MIGA1: variants seen among roughly 807,000 people sequenced by gnomAD.
MIGA1 encodes the protein mitoguardin 1, also known as family with sequence similarity 73, member A.
MIGA1 carries 58 observed loss-of-function variants against 82.0 expected under a neutral mutation model. The ratio of observed to expected loss-of-function variants is 0.71; its 90% CI spans 0.57 to 0.88. The LOEUF (loss-of-function observed/expected upper bound fraction) is 0.88. Among genes scored for constraint, MIGA1 ranks in the 40% least tolerant of loss-of-function variants. The pLI is 0.00. For synonymous variants in MIGA1, 249 were observed against 253.6 expected, an observed-to-expected ratio of 0.98 and a Z score of 0.17; for missense variants, 751 against 749.1, an observed-to-expected ratio of 1.00 and a Z score of -0.03.
chr1:77,827,649 C>T (rs1422427665), intron 7 of MIGA1, among the ~76,000 whole-genome samples: 1 of 152,150 alleles, frequency 6.6e-6, no homozygotes, highest in Non-Finnish European at 1.5e-5. Context: ...GATGGGTTTG[C>T]AGACCCTGAC....
At chr1:77,787,806 T>G (rs1682234862) in intron 2 of MIGA1, among the ~76,000 whole-genome samples, 1 of 151,894 alleles carries the variant, frequency 6.6e-6, no homozygotes, top group Middle Eastern at 3.2e-3. Flanking sequence ...TTCTGTGAAT[T>G]ACTTTTCTTT....
At position 77,861,340 on chromosome 1, in the gene MIGA1, G is replaced by T. The variant is rs1445341740; in HGVS notation, c.1374+18G>T. The T allele has an allele frequency of 6.7e-7, 1 of 1,482,424 alleles. No homozygotes were observed. The highest frequency in any genetic ancestry group is 9.4e-7 in the Non-Finnish European group (1 of 1,066,462). The allele number at this position is 1,482,424 out of a possible 1,614,324, so 91.8% of individuals were successfully genotyped here. ...CTAGAGGGGTAAATTCAAATTTTTT[G>T]TGATATTTATTTTTCTTAGTTATTT... is the stretch of plus-strand genomic sequence containing the variant. On this transcript the variant is annotated intron_variant, in intron 12 of 15. Transcript: ENST00000370791.
chr1:77,827,118 T>TC (rs1220167119), intron 7 of MIGA1, among the ~76,000 whole-genome samples: 1 of 150,716 alleles, frequency 6.6e-6, no homozygotes, highest in African/African-American at 2.4e-5. Flanking sequence ...AAAAGAGCCT[T>TC]TTTTTTTTGA....
intron 7 of MIGA1, among the ~76,000 whole-genome samples, chr1:77,822,156 A>G (rs1055754437): frequency 2.6e-5 from 4 of 152,044 alleles, no homozygotes; most frequent in African/African-American, 9.7e-5. Context: ...CACCTTAAAT[A>G]TATACAGTTT....
chr1:77,861,453 T>C (rs1024260030), intron 12 of MIGA1, 131 bp downstream of exon 12: 4 of 635,796 alleles, frequency 6.3e-6, no homozygotes, highest in Non-Finnish European at 1.1e-5. Flanking sequence ...TCTTTTTTTC[T>C]GACGAAGTCA....
intron 2 of MIGA1, among the ~76,000 whole-genome samples, chr1:77,796,808 A>AT (rs1249128613): frequency 6.6e-6 from 1 of 151,526 alleles, no homozygotes; most frequent in African/African-American, 2.4e-5. Context: ...ATCCTGGTTG[A>AT]TTTTTTTTCA....
At chr1:77,861,191 G>C (rs1313740374) in intron 11 of MIGA1, 33 bp from the exon 12 acceptor site, 1 of 1,334,702 alleles carries the variant, frequency 7.5e-7, no homozygotes, top group Non-Finnish European at 1.1e-6. Flanking sequence ...TTATAAAGTT[G>C]AGTTTAGGGT....
intron 1 of MIGA1, chr1:77,780,072 G>T (rs1220074256): frequency 9.5e-7 from 1 of 1,051,908 alleles, no homozygotes; most frequent in Non-Finnish European, 1.1e-6. Flanking sequence ...GCCAGAGGAA[G>T]GGTCTGGACG....
intron 7 of MIGA1, among the ~76,000 whole-genome samples, chr1:77,830,113 T>C (rs1028359965): frequency 3.3e-5 from 5 of 152,320 alleles, no homozygotes; most frequent in African/African-American, 1.2e-4. Flanking sequence ...ATGTGAAGTT[T>C]AGGACAGCTT....
chr1:77,858,882 C>G (rs1685363172), intron 8 of MIGA1, 56 bp from the exon 9 acceptor site: 2 of 959,198 alleles, frequency 2.1e-6, no homozygotes, highest in Admixed American at 1.9e-5. Context: ...GTTGCAATTA[C>G]AGGCATGAGC....
chr1:77,863,170 T>C (rs972513555), intron 12 of MIGA1, among the ~76,000 whole-genome samples: 1 of 152,206 alleles, frequency 6.6e-6, no homozygotes, highest in Non-Finnish European at 1.5e-5. Context: ...TCTCTAATTT[T>C]GTCAGTTTTA....
chr1:77,816,191 A>G (rs1382567744), intron 7 of MIGA1, among the ~76,000 whole-genome samples: 1 of 151,368 alleles, frequency 6.6e-6, no homozygotes, highest in African/African-American at 2.4e-5. Context: ...TGATCCTCCC[A>G]CCTCAGCCTC....
At chr1:77,804,307 C>G (rs1683002560) in intron 4 of MIGA1, among the ~76,000 whole-genome samples, 1 of 152,084 alleles carries the variant, frequency 6.6e-6, no homozygotes, top group African/African-American at 2.4e-5. Context: ...ACTATTAATG[C>G]TGATTGACAA....
At chr1:77,861,176 G>C (rs373627804) in intron 11 of MIGA1, 48 bp from the exon 12 acceptor site, 2 of 1,172,728 alleles carry the variant, frequency 1.7e-6, no homozygotes, top group Non-Finnish European at 1.3e-6. Context: ...TTTCTTTGTA[G>C]CTTGTTATAA....
Position 77,847,394 on chromosome 1 carries a change from G to A in MIGA1, c.996+3987G>A, listed in dbSNP as rs1486996303. 5.7e-6 allele frequency: 7 copies of A among 1,219,544 alleles called. No homozygotes were observed. The East Asian group carries it at 1.6e-4, about 28-fold the overall frequency. The allele number at this position is 1,219,544 out of a possible 1,614,324, so 75.5% of individuals were successfully genotyped here. A position where few individuals can be genotyped will look rare whatever the true frequency, so the allele number is the denominator to read the frequency against. On this transcript the variant is annotated intron_variant, in intron 8 of 15. Transcript: ENST00000370791. ...AAAACAATACTAAATTGCTTTTGGG[G>A]AAAGACTGAAAGCCCAAGTATATTC...
intron 7 of MIGA1, among the ~76,000 whole-genome samples, chr1:77,842,204 A>G (rs866101340): frequency 1.4e-4 from 22 of 152,288 alleles, no homozygotes; most frequent in Middle Eastern, 6.8e-3. Context: ...TTTGAAGTTT[A>G]TCACTTGTTT....
intron 5 of MIGA1, among the ~76,000 whole-genome samples, chr1:77,808,439 G>T (rs1241793586): frequency 6.6e-6 from 1 of 152,070 alleles, no homozygotes; most frequent in African/African-American, 2.4e-5. Flanking sequence ...GTTATATAAT[G>T]AATCTATCAG....
intron 13 of MIGA1, among the ~76,000 whole-genome samples, chr1:77,865,377 G>C (rs1685624638): frequency 6.6e-6 from 1 of 152,092 alleles, no homozygotes; most frequent in South Asian, 2.1e-4. Flanking sequence ...GATTACTTGA[G>C]CTCAGGAGTT....
At position 77,878,489 on chromosome 1, in the gene MIGA1, G is replaced by T; in HGVS notation, c.*3425G>T. 2 of 154,746 alleles carry T rather than the reference G, an allele frequency of 1.3e-5. No homozygotes were observed. The highest frequency in any genetic ancestry group is 2.7e-5 in the Non-Finnish European group (2 of 74,452). 9.6% of individuals were successfully genotyped at this position (154,746 alleles called of 1,614,324 possible). On this transcript the variant is annotated 3_prime_UTR_variant, in exon 16 of 16. Coordinates refer to ENST00000370791, the MANE Select transcript of MIGA1 (RefSeq NM_198549.4). The stretch of plus-strand genomic sequence containing the variant: ...TAGCAAAAGCAATGTCTTTAAAAAT[G>T]ATTAGTTTAGAGCCTTTTAGGGTAA...
Sources: allele counts gnomAD v4.1 joint callset (sites outside exome capture counted in the v4.1 genomes callset), GRCh38; gene constraint gnomAD v4.1.1; transcripts MANE v1.5; gene names NCBI Gene and HGNC (gene_info 2026-07-23, HGNC 2026-07-21).